Variants in NTRK3 observed in about 807,000 individuals in gnomAD.
NTRK3 encodes the protein NT-3 growth factor receptor.
In NTRK3, 24 loss-of-function variants were observed where a neutral mutation model predicts 91.7. The ratio of observed to expected loss-of-function variants is 0.26; its 90% CI spans 0.19 to 0.37. NTRK3 has a LOEUF of 0.37. Ranked by LOEUF, NTRK3 falls within the 10% of genes least tolerant of loss-of-function variation. The probability of loss-of-function intolerance (pLI) is 1.00; values close to 1 mark genes in which losing one functional copy is unlikely to be tolerated. For synonymous variants in NTRK3, 483 were observed against 404.0 expected (o/e 1.20, Z -2.34); for missense variants, 880 against 1,068.9 (o/e 0.82, Z 2.46).
chr15:87,997,919 G>A (rs1163881596), intron 14 of NTRK3, among the ~76,000 whole-genome samples: 4 of 152,114 alleles, frequency 2.6e-5, no homozygotes, highest in Non-Finnish European at 5.9e-5. Context: ...GTCTTTCCAA[G>A]TTTCAGTTTT....
At position 87,905,884 on chromosome 15, in the gene NTRK3, C is replaced by T. The variant is rs559479522; in HGVS notation, c.2133+23307G>A. 5.4e-4 allele frequency among the ~76,000 whole-genome samples: 82 copies of T among 152,310 alleles called. 2 individuals are homozygous for T. The South Asian group carries it at 0.016, about 30-fold the overall frequency. On this transcript the variant is annotated intron_variant, in intron 17 of 18. Transcript: ENST00000394480. ...TCATGCCCCCAAAATTTCCCATGCC[C>T]ATCCCCATTTCCAGTGACAACACTC...
intron 3 of NTRK3, among the ~76,000 whole-genome samples, chr15:88,223,380 C>T (rs1256915991): frequency 1.3e-5 from 2 of 152,218 alleles, no homozygotes; most frequent in African/African-American, 2.4e-5. Flanking sequence ...CCCAGAGCCC[C>T]TCTCTGCCCA....
intron 17 of NTRK3, among the ~76,000 whole-genome samples, chr15:87,896,280 G>T (rs1304297473): frequency 6.6e-6 from 1 of 152,000 alleles, no homozygotes; most frequent in African/African-American, 2.4e-5. Context: ...AGATCATCCC[G>T]GCCAATATGG....
At chr15:88,076,694 A>T (rs996490859) in intron 13 of NTRK3, among the ~76,000 whole-genome samples, 3 of 147,442 alleles carry the variant, frequency 2.0e-5, no homozygotes, top group Admixed American at 1.4e-4. Context: ...AAAAAAAAGC[A>T]CTTAAAGCTG....
chr15:88,162,029 T>G (rs1200073394), intron 5 of NTRK3, among the ~76,000 whole-genome samples: 2 of 152,172 alleles, frequency 1.3e-5, no homozygotes, highest in Non-Finnish European at 2.9e-5. Context: ...GAGCTCCAGC[T>G]TCATATTTCA....
At chr15:88,136,408 A>C in intron 8 of NTRK3, 59 bp downstream of exon 8, 1 of 1,611,458 alleles carries the variant, frequency 6.2e-7, no homozygotes, top group Non-Finnish European at 8.5e-7. Flanking sequence ...CCTCTTCTTC[A>C]AGACTACAGT....
At chr15:88,147,039 TTATTA>T (rs1448647490) in intron 6 of NTRK3, among the ~76,000 whole-genome samples, 2 of 152,276 alleles carry the variant, frequency 1.3e-5, no homozygotes, top group South Asian at 2.1e-4. Flanking sequence ...TATAAATTCT[TTATTA>T]TAAGTATTTA....
At chr15:88,135,494 C>A in intron 9 of NTRK3, 97 bp from the exon 10 acceptor site, 4 of 1,372,252 alleles carry the variant, frequency 2.9e-6, no homozygotes, top group Non-Finnish European at 4.0e-6. Flanking sequence ...GGTTCTTCCC[C>A]ACCCACTCTG....
intron 14 of NTRK3, among the ~76,000 whole-genome samples, chr15:88,019,261 C>A (rs1054497551): frequency 6.6e-6 from 1 of 152,220 alleles, no homozygotes; most frequent in Non-Finnish European, 1.5e-5. Context: ...CTGCTTACTC[C>A]TAGAGGAGCA....
chr15:87,979,479 A>AT, intron 14 of NTRK3: 1 of 1,570,510 alleles, frequency 6.4e-7, no homozygotes, highest in Non-Finnish European at 8.7e-7. Flanking sequence ...AAAAACAAAA[A>AT]GAAAAAAAAA....
At chr15:87,953,586 A>G (rs1306406924) in intron 14 of NTRK3, among the ~76,000 whole-genome samples, 3 of 152,180 alleles carry the variant, frequency 2.0e-5, no homozygotes, top group Non-Finnish European at 4.4e-5. Context: ...TGTGCAGCTA[A>G]TGAATGGCCA....
At chr15:88,195,731 G>C (rs1014049716) in intron 3 of NTRK3, among the ~76,000 whole-genome samples, 6 of 152,220 alleles carry the variant, frequency 3.9e-5, no homozygotes, top group Admixed American at 6.5e-5. Flanking sequence ...AACAGCCTCG[G>C]GCAGGGAGAC....
chr15:88,242,033 G>A (rs1339195666), intron 3 of NTRK3, among the ~76,000 whole-genome samples: 1 of 152,182 alleles, frequency 6.6e-6, no homozygotes, highest in African/African-American at 2.4e-5. Context: ...ACCCACGTTG[G>A]ATAAATGCAC....
At chr15:88,000,353 C>A (rs1207714282) in intron 14 of NTRK3, among the ~76,000 whole-genome samples, 1 of 152,222 alleles carries the variant, frequency 6.6e-6, no homozygotes, top group Non-Finnish European at 1.5e-5. Flanking sequence ...GCAAGAATCT[C>A]TTCCAATAGG....
chr15:87,870,090 C>G (rs913276301), exon 19 of NTRK3: 1 of 187,386 alleles, frequency 5.3e-6, no homozygotes, highest in Non-Finnish European at 1.1e-5. Context: ...GATACTTGCA[C>G]ACATATGTTT....
intron 14 of NTRK3, among the ~76,000 whole-genome samples, chr15:88,004,890 G>A (rs915836996): frequency 2.0e-5 from 3 of 152,160 alleles, no homozygotes; most frequent in Non-Finnish European, 4.4e-5. Context: ...GCAGCAGAAT[G>A]AATGGATGGA....
chr15:88,029,662 T>C (rs2078355865), intron 14 of NTRK3, among the ~76,000 whole-genome samples: 1 of 152,234 alleles, frequency 6.6e-6, no homozygotes, highest in Non-Finnish European at 1.5e-5. Context: ...AGCATTTTTA[T>C]TCTCTTAACC....
intron 3 of NTRK3, among the ~76,000 whole-genome samples, chr15:88,239,064 C>CT (rs1218985206): frequency 6.6e-6 from 1 of 152,208 alleles, no homozygotes; most frequent in East Asian, 1.9e-4. Flanking sequence ...CACACAGCAG[C>CT]TGCTAGCACT....
chr15:87,994,752 G>A (rs1486453959), intron 14 of NTRK3, among the ~76,000 whole-genome samples: 3 of 152,226 alleles, frequency 2.0e-5, no homozygotes, highest in African/African-American at 7.2e-5. Context: ...AAAATGGGAA[G>A]CAGCTCAGTA....
Sources: allele counts gnomAD v4.1 joint callset (sites outside exome capture counted in the v4.1 genomes callset), GRCh38; gene constraint gnomAD v4.1.1; transcripts MANE v1.5; gene names NCBI Gene and HGNC (gene_info 2026-07-23, HGNC 2026-07-21).